SNRNP40: variants seen among roughly 807,000 people sequenced by gnomAD.
SNRNP40 encodes U5 small nuclear ribonucleoprotein 40 kDa protein.
A neutral mutation model predicts 45.8 loss-of-function variants in SNRNP40; 21 were observed. That is an observed-to-expected ratio of 0.46 (90% CI 0.32 to 0.66). The LOEUF (loss-of-function observed/expected upper bound fraction) is 0.66, where lower values mean the gene tolerates loss of function less well. Among genes scored for constraint, SNRNP40 ranks in the 30% least tolerant of loss-of-function variants. SNRNP40 has a pLI of 0.03. For missense variants in SNRNP40, 344 were observed against 439.1 expected, an observed-to-expected ratio of 0.78 and a Z score of 1.94; for synonymous variants, 142 against 163.8, an observed-to-expected ratio of 0.87 and a Z score of 1.01.
intron 5 of SNRNP40, among the ~76,000 whole-genome samples, chr1:31,274,395 C>T (rs1645960773): frequency 6.6e-6 from 1 of 152,050 alleles, no homozygotes; most frequent in Non-Finnish European, 1.5e-5. Flanking sequence ...CACCACCACA[C>T]CCAGCTAATT....
chr1:31,283,946 A>C (rs551495839), intron 4 of SNRNP40, among the ~76,000 whole-genome samples: 1 of 152,224 alleles, frequency 6.6e-6, no homozygotes, highest in East Asian at 1.9e-4. Context: ...TTAGAGGGCC[A>C]GGTATGGTGG....
Position 31,291,938 on chromosome 1 carries a change from C to T in SNRNP40, c.340G>A (p.Glu114Lys). Residue 114 changes from glutamate to lysine, a missense_variant, in exon 3 of 10, where the codon GAA becomes AAA. Coordinates refer to ENST00000263694, the MANE Select transcript of SNRNP40 (RefSeq NM_004814.3). ...CTGCCATCTGTGTTGTAATGCAATT[C>T]CATCACTGCTCCACTGTGTCCCTTC... ...TLKGHSGAVM[E>K]LHYNTDGSML... is the part of the protein sequence containing the mutation. 6.2e-7 allele frequency: 1 copy of T among 1,611,510 alleles called. No homozygotes were observed. Among genetic ancestry groups the T allele is most frequent in the Non-Finnish European group, 8.5e-7 (1 of 1,177,604 alleles).
intron 3 of SNRNP40, among the ~76,000 whole-genome samples, chr1:31,291,578 C>G (rs1030490563): frequency 5.3e-5 from 8 of 151,964 alleles, no homozygotes; most frequent in Non-Finnish European, 8.8e-5. Context: ...ATTTGGGAGG[C>G]TGAAGTGGGA....
At chr1:31,292,447 GCAAAGATC>G (rs1338766050) in intron 2 of SNRNP40, among the ~76,000 whole-genome samples, 1 of 152,176 alleles carries the variant, frequency 6.6e-6, no homozygotes, top group Non-Finnish European at 1.5e-5. Flanking sequence ...TATATGTTCT[GCAAAGATC>G]CCTAAGCAAT....
chr1:31,274,682 T>G (rs186227770), intron 5 of SNRNP40, among the ~76,000 whole-genome samples: 1 of 137,620 alleles, frequency 7.3e-6, no homozygotes, highest in Non-Finnish European at 1.6e-5. Context: ...TGAACTCCCA[T>G]CCTAACTAGA....
intron 6 of SNRNP40, among the ~76,000 whole-genome samples, chr1:31,270,874 AAAAC>A (rs1419985289): frequency 6.6e-6 from 1 of 152,168 alleles, no homozygotes; most frequent in Non-Finnish European, 1.5e-5. Flanking sequence ...CTACAACTCA[AAAAC>A]AAGTAAAGAG....
At chr1:31,272,329 T>C (rs1402300349) in intron 5 of SNRNP40, among the ~76,000 whole-genome samples, 1 of 152,090 alleles carries the variant, frequency 6.6e-6, no homozygotes, top group Non-Finnish European at 1.5e-5. Context: ...AAAATAAAAA[T>C]AAATTACAGG....
intron 3 of SNRNP40, among the ~76,000 whole-genome samples, chr1:31,290,442 TA>T (rs978142095): frequency 4.6e-5 from 7 of 152,192 alleles, no homozygotes; most frequent in African/African-American, 1.7e-4. Context: ...CCAGACTACC[TA>T]ACAATGTAAT....
chr1:31,267,666 G>T (rs1645908815), intron 8 of SNRNP40, among the ~76,000 whole-genome samples: 1 of 152,140 alleles, frequency 6.6e-6, no homozygotes. Flanking sequence ...CTCCTGAGTA[G>T]CTGGGATTAC....
intron 9 of SNRNP40, among the ~76,000 whole-genome samples, chr1:31,260,635 G>C (rs547046372): frequency 6.6e-6 from 1 of 151,904 alleles, no homozygotes; most frequent in South Asian, 2.1e-4. Flanking sequence ...GCTGAGGCGG[G>C]TGGATTACCA....
chr1:31,268,040 T>C, intron 7 of SNRNP40, 108 bp from the exon 8 acceptor site: 2 of 698,414 alleles, frequency 2.9e-6, no homozygotes, highest in Admixed American at 2.4e-5. Flanking sequence ...TTAATTACTC[T>C]TCTCAGGAAG....
At chr1:31,288,587 C>T (rs554553046) in intron 4 of SNRNP40, among the ~76,000 whole-genome samples, 29 of 151,856 alleles carry the variant, frequency 1.9e-4, no homozygotes, top group African/African-American at 6.0e-4. Flanking sequence ...TCTGACTAAA[C>T]GATGTTTAAG....
Position 31,260,239 on chromosome 1 carries a change from T to C in SNRNP40, c.1025-118A>G. 4.7e-6 allele frequency: 3 copies of C among 633,316 alleles called. No homozygotes were observed. In the East Asian group the frequency reaches 8.4e-5, roughly 18 times the overall value. The allele number at this position is 633,316 out of a possible 1,614,324, so 39.2% of individuals were successfully genotyped here. On this transcript the variant is annotated intron_variant, in intron 9 of 9. Transcript: ENST00000263694. ...AAAGAGCAATTGGACTTAGCTTAAATTCCCCTCCTAAACACCATCCACAGG... is the reference window on the plus strand; with the variant it reads ...AAAGAGCAATTGGACTTAGCTTAAACTCCCCTCCTAAACACCATCCACAGG...
intron 1 of SNRNP40, among the ~76,000 whole-genome samples, chr1:31,294,560 A>G (rs980203470): frequency 1.3e-5 from 2 of 151,686 alleles, no homozygotes; most frequent in Non-Finnish European, 2.9e-5. Flanking sequence ...CCTGGGTTCA[A>G]GCGATTCTCC....
At chr1:31,283,187 T>C (rs779139503) in intron 4 of SNRNP40, among the ~76,000 whole-genome samples, 19 of 152,150 alleles carry the variant, frequency 1.2e-4, no homozygotes, top group Non-Finnish European at 2.4e-4. Flanking sequence ...ATTTTTGTTC[T>C]TGTTGTTGTA....
Position 31,271,453 on chromosome 1 carries a change from T to A in SNRNP40, c.701A>T (p.His234Leu). The A allele has an allele frequency of 1.2e-6, 2 of 1,614,046 alleles. No individual in the cohort carries two copies. Among genetic ancestry groups the A allele is most frequent in the South Asian group, 1.1e-5 (1 of 91,074 alleles). Residue 234 changes from histidine to leucine, a missense_variant, in exon 6 of 10, where the codon CAT (histidine) becomes CTT (leucine). Physicochemically the swap from His to Leu is moderately conservative, Grantham distance 99. Around this residue, in one of 2 missense-constraint regions of SNRNP40, gnomAD observed 254 missense variants for 380.2 expected, o/e 0.67. Transcript: ENST00000263694. ...ACTCAGGCCAGTCACTGAATCTGCA[T>A]GGCCTCTCATGGTGTAGGTTAGCTT... ...QNKLTYTMRG[H>L]ADSVTGLSLS...
At chr1:31,286,585 T>C (rs1347225799) in intron 4 of SNRNP40, among the ~76,000 whole-genome samples, 1 of 152,158 alleles carries the variant, frequency 6.6e-6, no homozygotes, top group East Asian at 1.9e-4. Context: ...ATTTCTACCC[T>C]GTGTGGATGC....
chr1:31,260,102 G>A lies in SNRNP40; in HGVS notation c.1044C>T (p.Asp348=), dbSNP rs1054449204. 5.6e-6 allele frequency: 9 copies of A among 1,605,394 alleles called. No individual in the cohort carries two copies. The highest frequency in any genetic ancestry group is 7.7e-6 in the Non-Finnish European group (9 of 1,175,414). ...GAATCTCTCCCATATACAGTCTCTT[G>A]TCACTCGATGCTGAGATAACTGAGG... The part of the protein sequence containing the change: ...DEPIIISASS[D]KRLYMGEIQ The change falls in exon 10 of 10, where the codon GAC becomes GAT. Residue 348 remains aspartate, a synonymous_variant. Transcript: ENST00000263694.
intron 1 of SNRNP40, 62 bp from the exon 2 acceptor site, chr1:31,293,410 G>A: frequency 6.6e-7 from 1 of 1,504,526 alleles, no homozygotes; most frequent in Non-Finnish European, 8.9e-7. Context: ...ACAAAATTAG[G>A]GGGTGGGGAG....
Sources: allele counts gnomAD v4.1 joint callset (sites outside exome capture counted in the v4.1 genomes callset), GRCh38; gene constraint gnomAD v4.1.1; regional missense constraint gnomAD v4.1.1; transcripts MANE v1.5; gene names NCBI Gene and HGNC (gene_info 2026-07-23, HGNC 2026-07-21).